Variants in MYO1B observed in about 807,000 individuals in gnomAD.
MYO1B encodes myosin IB.
In MYO1B, 72 loss-of-function variants were observed where a neutral mutation model predicts 159.7. That is an observed-to-expected ratio of 0.45 (90% CI 0.37 to 0.55). The LOEUF (loss-of-function observed/expected upper bound fraction) is 0.55, where lower values mean the gene tolerates loss of function less well. Among genes scored for constraint, MYO1B ranks in the 20% least tolerant of loss-of-function variants. The pLI is 0.00. For missense variants in MYO1B, 1,062 were observed against 1,364.8 expected (o/e 0.78, Z 3.50); for synonymous variants, 468 against 473.8 (o/e 0.99, Z 0.16).
At chr2:191,348,025 C>T (rs1034293377) in intron 6 of MYO1B, among the ~76,000 whole-genome samples, 1 of 152,158 alleles carries the variant, frequency 6.6e-6, no homozygotes, top group African/African-American at 2.4e-5. Flanking sequence ...ACAGTGTCCG[C>T]TCCCCACCAC....
intron 3 of MYO1B, among the ~76,000 whole-genome samples, chr2:191,298,915 C>T (rs1040818672): frequency 5.9e-5 from 9 of 152,148 alleles, no homozygotes; most frequent in Admixed American, 5.9e-4. Context: ...ATTTTCATGA[C>T]AGGGCCTCTT....
At chr2:191,367,508 T>A (rs1269353067) in intron 11 of MYO1B, among the ~76,000 whole-genome samples, 6 of 152,176 alleles carry the variant, frequency 3.9e-5, no homozygotes, top group African/African-American at 1.2e-4. Context: ...TTGAGACCCC[T>A]GGAATAAATA....
chr2:191,365,262 G>A (rs1227943075), intron 11 of MYO1B, among the ~76,000 whole-genome samples: 1 of 152,168 alleles, frequency 6.6e-6, no homozygotes, highest in South Asian at 2.1e-4. Context: ...CCCCCACTTT[G>A]TCCAACTGTA....
At chr2:191,359,361 C>T (rs755069914) in intron 7 of MYO1B, among the ~76,000 whole-genome samples, 9 of 125,864 alleles carry the variant, frequency 7.2e-5, no homozygotes, top group Non-Finnish European at 1.5e-4. Context: ...CATTATTTTC[C>T]ATCTATGATT....
intron 24 of MYO1B, among the ~76,000 whole-genome samples, chr2:191,406,138 C>G (rs1696904212): frequency 6.6e-6 from 1 of 152,192 alleles, no homozygotes; most frequent in Non-Finnish European, 1.5e-5. Flanking sequence ...AGTTAATAAA[C>G]TTTTCTTCTG....
At chr2:191,414,206 A>G (rs1697421855) in intron 28 of MYO1B, 26 bp downstream of exon 28, 2 of 1,598,662 alleles carry the variant, frequency 1.3e-6, no homozygotes, top group African/African-American at 1.3e-5. Flanking sequence ...TTGAAGACTG[A>G]TAAGAAGTAC....
chr2:191,274,172 T>C (rs1687618464), intron 1 of MYO1B, among the ~76,000 whole-genome samples: 1 of 152,202 alleles, frequency 6.6e-6, no homozygotes, highest in East Asian at 1.9e-4. Context: ...ATTCAATGAC[T>C]CTTGGTGTCA....
At chr2:191,365,774 G>A (rs1199701167) in intron 11 of MYO1B, among the ~76,000 whole-genome samples, 7 of 152,172 alleles carry the variant, frequency 4.6e-5, no homozygotes, top group South Asian at 2.1e-4. Context: ...CAGATTTGGG[G>A]CACATATCAG....
Position 191,370,305 on chromosome 2 carries a change from A to T in MYO1B, c.1185+13A>T, listed in dbSNP as rs752938663. 6.2e-7 allele frequency: 1 copy of T among 1,601,928 alleles called. No homozygotes were observed. Among genetic ancestry groups the T allele is most frequent in the Non-Finnish European group, 8.5e-7 (1 of 1,169,688 alleles). On this transcript the variant is annotated intron_variant, in intron 13 of 30. Coordinates refer to ENST00000392318, the MANE Select transcript of MYO1B (RefSeq NM_001130158.3). ...TGAGATTTTCGAGGTAAGATTTAAAATTTTTTTTGTATTGTCTTTAGTAGA... is the reference window on the plus strand; with the variant it reads ...TGAGATTTTCGAGGTAAGATTTAAATTTTTTTTTGTATTGTCTTTAGTAGA...
rs1687788600 is a variant in MYO1B, at chr2:191,276,946, T to G, written c.51T>G (p.Val17=). 6.2e-7 allele frequency: 1 copy of G among 1,613,910 alleles called. No homozygotes were observed. Among genetic ancestry groups the G allele is most frequent in the African/African-American group, 1.3e-5 (1 of 74,916 alleles). The change falls in exon 2 of 31, where the codon GTT becomes GTG. Residue 17 remains valine (V), a synonymous_variant. Transcript: ENST00000392318. Reference sequence around the variant, plus strand: ...CACTTCTGGACAATATGATTGGAGTTGGGGATATGGTTCTTTTAGAACCTC... The same window carrying G: ...CACTTCTGGACAATATGATTGGAGTGGGGGATATGGTTCTTTTAGAACCTC... The part of the protein sequence containing the change: ...KTSLLDNMIG[V]GDMVLLEPLN...
At chr2:191,272,223 T>G (rs1210276825) in intron 1 of MYO1B, among the ~76,000 whole-genome samples, 1 of 152,238 alleles carries the variant, frequency 6.6e-6, no homozygotes, top group Non-Finnish European at 1.5e-5. Context: ...TGAAAAGAAC[T>G]GGCACAGCCT....
chr2:191,366,326 C>T (rs549346397), intron 11 of MYO1B, among the ~76,000 whole-genome samples: 16 of 151,986 alleles, frequency 1.1e-4, no homozygotes, highest in Non-Finnish European at 2.1e-4. Context: ...TTTTCTTAAC[C>T]TTTGGCATAA....
At chr2:191,298,724 A>G (rs558733029) in intron 3 of MYO1B, among the ~76,000 whole-genome samples, 89 of 152,370 alleles carry the variant, frequency 5.8e-4, no homozygotes, top group African/African-American at 2.0e-3. Context: ...ATTCTGCTCT[A>G]AATACTTTAT....
At chr2:191,414,271 T>C in intron 28 of MYO1B, 91 bp downstream of exon 28, 1 of 1,471,756 alleles carries the variant, frequency 6.8e-7, no homozygotes, top group African/African-American at 1.4e-5. Context: ...GCATTTCATG[T>C]TCTCAGTAGA....
chr2:191,397,293 A>G (rs2126120237), intron 21 of MYO1B, among the ~76,000 whole-genome samples: 1 of 147,944 alleles, frequency 6.8e-6, no homozygotes, highest in South Asian at 2.2e-4. Context: ...CAGCAGATAA[A>G]CAAGTGAACA....
At chr2:191,332,957 G>A (rs1691587338) in intron 4 of MYO1B, among the ~76,000 whole-genome samples, 1 of 152,114 alleles carries the variant, frequency 6.6e-6, no homozygotes, top group South Asian at 2.1e-4. Context: ...CCATACAGTA[G>A]GTAGTCAGTA....
chr2:191,334,944 G>C lies in MYO1B; in HGVS notation c.346+4915G>C, dbSNP rs34272263. On this transcript the variant is annotated intron_variant, in intron 4 of 30. Transcript: ENST00000392318. ...TACAGAAGCTTTTAAAAGCCTACTT[G>C]CATGTGTAGATCACTTAATAGTCTG... 6.5e-3 allele frequency among the ~76,000 whole-genome samples: 994 copies of C among 152,296 alleles called. 5 individuals are homozygous for C. Among genetic ancestry groups the C allele is most frequent in the Middle Eastern group, 0.02 (6 of 294 alleles).
rs893508414 is a variant in MYO1B, at chr2:191,362,319, A to G, written c.713A>G (p.Asp238Gly). The G allele has an allele frequency of 3.1e-6, 5 of 1,613,808 alleles. No homozygotes were observed. In the African/African-American group the frequency reaches 4.0e-5, roughly 13 times the overall value. ...DFSRYNYLSL[D>G]SAKVNGVDDA... ...AGCAGGTATAACTACCTGAGTCTGG[A>G]TTCGGCCAAAGTGAATGGAGTGGAT... Residue 238 changes from aspartate to glycine, a missense_variant, in exon 9 of 31, where the codon GAT becomes GGT. Physicochemically the swap from Asp to Gly is moderately conservative, Grantham distance 94 (BLOSUM62 -1). Coordinates refer to ENST00000392318, the MANE Select transcript of MYO1B (RefSeq NM_001130158.3).
intron 2 of MYO1B, among the ~76,000 whole-genome samples, chr2:191,277,383 C>G (rs1687816866): frequency 6.6e-6 from 1 of 152,170 alleles, no homozygotes; most frequent in Non-Finnish European, 1.5e-5. Flanking sequence ...CAGGGAGAAG[C>G]TACTCATTGA....
Sources: allele counts gnomAD v4.1 joint callset (sites outside exome capture counted in the v4.1 genomes callset), GRCh38; gene constraint gnomAD v4.1.1; transcripts MANE v1.5; gene names NCBI Gene and HGNC (gene_info 2026-07-23, HGNC 2026-07-21).